The following JADE3 variants were observed in gnomAD, a reference collection of about 807,000 sequenced individuals.
JADE3 encodes the protein jade family PHD finger 3, also known as protein Jade-3.
JADE3 carries 2 observed loss-of-function variants against 50.1 expected under a neutral mutation model. The ratio of observed to expected loss-of-function variants is 0.04; its 90% CI spans 0.02 to 0.13. The LOEUF (loss-of-function observed/expected upper bound fraction) is 0.13. Among genes scored for constraint, JADE3 ranks in the 10% least tolerant of loss-of-function variants. JADE3 has a pLI of 1.00. For synonymous variants in JADE3, 218 were observed against 232.9 expected (o/e 0.94, Z 0.58); for missense variants, 475 against 634.4 (o/e 0.75, Z 2.70).
intron 1 of JADE3, among the ~76,000 whole-genome samples, chrX:46,956,626 A>G (rs1231396676): frequency 9.3e-6 from 1 of 107,029 alleles, no homozygotes; most frequent in African/African-American, 3.4e-5. Flanking sequence ...TCCTGGGCTC[A>G]AGCGATCCTC....
At chrX:47,019,176 G>A (rs1301833782) in intron 4 of JADE3, among the ~76,000 whole-genome samples, 1 of 111,591 alleles carries the variant, frequency 9.0e-6, no homozygotes, top group African/African-American at 3.3e-5. Context: ...AAGGGAGATA[G>A]ACTTCACTAC....
chrX:46,948,706 G>A (rs1926935228), intron 1 of JADE3, among the ~76,000 whole-genome samples: 1 of 110,985 alleles, frequency 9.0e-6, no homozygotes, highest in Non-Finnish European at 1.9e-5. Flanking sequence ...AAGTCATAAG[G>A]GTACAACGCT....
At chrX:47,028,717 TTAA>T (rs1928956044) in intron 6 of JADE3, among the ~76,000 whole-genome samples, 1 of 111,412 alleles carries the variant, frequency 9.0e-6, no homozygotes, top group Admixed American at 9.6e-5. Context: ...GCCTTTTTAA[TTAA>T]TAATGATGAT....
chrX:46,977,523 T>C (rs181813838), intron 1 of JADE3, among the ~76,000 whole-genome samples: 146 of 112,381 alleles, frequency 1.3e-3, no homozygotes, highest in Middle Eastern at 4.6e-3. Flanking sequence ...GTTAGCAAAC[T>C]TTTAGGTATA....
chrX:46,937,379 C>T (rs1926652159), intron 1 of JADE3, among the ~76,000 whole-genome samples: 1 of 110,722 alleles, frequency 9.0e-6, no homozygotes, highest in South Asian at 3.8e-4. Context: ...ACGTATTCTG[C>T]TATTTTGGGG....
intron 1 of JADE3, among the ~76,000 whole-genome samples, chrX:46,929,806 C>T (rs1413367969): frequency 8.9e-6 from 1 of 111,925 alleles, no homozygotes; most frequent in Non-Finnish European, 1.9e-5. Context: ...TCATTCTGAC[C>T]GTCTGCCTCT....
intron 4 of JADE3, among the ~76,000 whole-genome samples, chrX:47,004,939 G>T: frequency 8.9e-6 from 1 of 112,020 alleles, no homozygotes; most frequent in East Asian, 2.8e-4. Context: ...GATGGAGTAG[G>T]TATGCTTTTC....
At chrX:47,017,974 G>A (rs1484163089) in intron 4 of JADE3, among the ~76,000 whole-genome samples, 3 of 112,190 alleles carry the variant, frequency 2.7e-5, no homozygotes, top group Non-Finnish European at 5.6e-5. Context: ...CCTTCTAGCT[G>A]TAACTCTGTC....
At chrX:46,934,019 GT>G in intron 1 of JADE3, among the ~76,000 whole-genome samples, 1 of 112,026 alleles carries the variant, frequency 8.9e-6, no homozygotes, top group East Asian at 2.8e-4. Context: ...TGTTTTTGAG[GT>G]TTTTTCCCTA....
intron 1 of JADE3, among the ~76,000 whole-genome samples, chrX:46,921,832 G>A (rs1159002762): frequency 4.6e-5 from 5 of 109,683 alleles, no homozygotes; most frequent in Non-Finnish European, 7.6e-5. Context: ...GGACACTTTT[G>A]TGGGTTGACA....
intron 1 of JADE3, among the ~76,000 whole-genome samples, chrX:46,973,860 C>A (rs938521586): frequency 1.8e-5 from 2 of 111,492 alleles, no homozygotes; most frequent in African/African-American, 6.5e-5. Context: ...GTGGGTGGAT[C>A]ACCTGAGGTC....
At chrX:47,054,707 T>G in intron 9 of JADE3, 79 bp downstream of exon 9, 1 of 565,727 alleles carries the variant, frequency 1.8e-6, no homozygotes. Context: ...TTAATAATGG[T>G]CAGTCAGCTC....
intron 3 of JADE3, among the ~76,000 whole-genome samples, chrX:46,986,140 G>T (rs1225333102): frequency 9.0e-6 from 1 of 111,464 alleles, no homozygotes; most frequent in Non-Finnish European, 1.9e-5. Context: ...GCCCAGTCTT[G>T]AACCTTCCAG....
At chrX:46,929,692 A>G (rs1926451181) in intron 1 of JADE3, among the ~76,000 whole-genome samples, 1 of 111,878 alleles carries the variant, frequency 8.9e-6, no homozygotes, top group African/African-American at 3.2e-5. Context: ...AAGGTCCCCC[A>G]TACCCAATCA....
chrX:47,020,699 C>T (rs868964946), intron 4 of JADE3, among the ~76,000 whole-genome samples: 1 of 112,295 alleles, frequency 8.9e-6, no homozygotes, highest in Admixed American at 9.5e-5. Flanking sequence ...ACATTGCTGT[C>T]ATTATCATTA....
intron 3 of JADE3, among the ~76,000 whole-genome samples, chrX:46,993,692 A>C (rs1602399453): frequency 8.9e-6 from 1 of 112,119 alleles, no homozygotes; most frequent in South Asian, 3.7e-4. Flanking sequence ...ACTATTTGAA[A>C]AATATTTCCA....
Position 47,059,288 on chromosome X carries a change from T to C in JADE3, c.*211T>C, listed in dbSNP as rs1357945552. 2.6e-6 allele frequency: 1 copy of C among 382,881 alleles called. No individual in the cohort carries two copies. The allele number at this position is 382,881 out of a possible 1,213,427, so 31.6% of individuals were successfully genotyped here. A position where few individuals can be genotyped will look rare whatever the true frequency, so the allele number is the denominator to read the frequency against. The stretch of plus-strand genomic sequence containing the variant: ...TAATTGCAGGTTGTCCAGAGGTTGG[T>C]TTGTCAGAGGCTATTGGGAACAGCT... On this transcript the variant is annotated 3_prime_UTR_variant, in exon 11 of 11. Transcript: ENST00000614628.
chrX:47,046,411 C>T (rs2146986544), intron 8 of JADE3, among the ~76,000 whole-genome samples: 1 of 111,892 alleles, frequency 8.9e-6, no homozygotes, highest in East Asian at 2.8e-4. Context: ...AAAGAAAATC[C>T]TGGGACCCAG....
At chrX:46,950,423 A>G (rs927179256) in intron 1 of JADE3, among the ~76,000 whole-genome samples, 1 of 112,592 alleles carries the variant, frequency 8.9e-6, no homozygotes, top group African/African-American at 3.2e-5. Flanking sequence ...TTCACGTAGT[A>G]TAATGTTTTG....
Sources: allele counts gnomAD v4.1 joint callset (sites outside exome capture counted in the v4.1 genomes callset), GRCh38; gene constraint gnomAD v4.1.1; transcripts MANE v1.5; gene names NCBI Gene and HGNC (gene_info 2026-07-23, HGNC 2026-07-21).